Variants in CNTN5 observed in about 807,000 individuals in gnomAD.
CNTN5 encodes the protein contactin-5.
In CNTN5, 77 loss-of-function variants were observed where a neutral mutation model predicts 129.1. The ratio of observed to expected loss-of-function variants is 0.60; its 90% confidence interval spans 0.50 to 0.72. CNTN5 has a LOEUF of 0.72. Ranked by LOEUF, CNTN5 falls within the 30% of genes least tolerant of loss-of-function variation. The pLI, the probability that CNTN5 is intolerant of heterozygous loss-of-function variation, is 0.00. For missense variants in CNTN5, 1,478 were observed against 1,328.8 expected (o/e 1.11, Z -1.75); for synonymous variants, 509 against 465.6 (o/e 1.09, Z -1.20).
intron 13 of CNTN5, among the ~76,000 whole-genome samples, chr11:100,169,221 G>C: frequency 6.6e-6 from 1 of 151,966 alleles, no homozygotes; most frequent in Non-Finnish European, 1.5e-5. Context: ...GGTTTGAAGA[G>C]GGTTGACTCC....
At chr11:100,148,690 T>C (rs1342471669) in intron 13 of CNTN5, among the ~76,000 whole-genome samples, 1 of 144,654 alleles carries the variant, frequency 6.9e-6, no homozygotes, top group African/African-American at 2.6e-5. Context: ...CAATGGAAAG[T>C]ATGAAAAATT....
At chr11:99,729,332 T>C (rs7113566) in intron 3 of CNTN5, among the ~76,000 whole-genome samples, 97,223 of 151,768 alleles carry the variant, frequency 0.64, 31,802 homozygotes, top group East Asian at 0.88. Context: ...TGTGGGCACA[T>C]GTTAAGGTTT....
At chr11:99,233,474 T>A (rs1861108012) in intron 1 of CNTN5, among the ~76,000 whole-genome samples, 1 of 152,196 alleles carries the variant, frequency 6.6e-6, no homozygotes. Flanking sequence ...TAGAATGATG[T>A]TTCAGATATC....
At chr11:100,183,135 T>A (rs1347031309) in intron 13 of CNTN5, among the ~76,000 whole-genome samples, 1 of 152,134 alleles carries the variant, frequency 6.6e-6, no homozygotes, top group Non-Finnish European at 1.5e-5. Context: ...AGAGCTCTCA[T>A]ACACTGCTGG....
chr11:99,790,369 C>T (rs1479783145), intron 3 of CNTN5, among the ~76,000 whole-genome samples: 1 of 151,902 alleles, frequency 6.6e-6, no homozygotes, highest in African/African-American at 2.4e-5. Context: ...TTGCTCCCTT[C>T]TTTGTGTCCA....
intron 4 of CNTN5, among the ~76,000 whole-genome samples, chr11:99,823,423 A>T (rs1446888642): frequency 6.6e-6 from 1 of 152,038 alleles, no homozygotes; most frequent in Non-Finnish European, 1.5e-5. Context: ...GGTCTTGATT[A>T]TGCATTCTTC....
At chr11:99,809,125 G>A (rs1180835027) in intron 3 of CNTN5, among the ~76,000 whole-genome samples, 2 of 151,996 alleles carry the variant, frequency 1.3e-5, no homozygotes, top group African/African-American at 4.8e-5. Context: ...CCCAGGCCCG[G>A]GAAAAATTTT....
chr11:99,677,422 G>A (rs1420823161), intron 3 of CNTN5, among the ~76,000 whole-genome samples: 3 of 152,048 alleles, frequency 2.0e-5, no homozygotes, highest in Non-Finnish European at 2.9e-5. Context: ...TCTACCACAT[G>A]AGCAGTTTGA....
intron 1 of CNTN5, among the ~76,000 whole-genome samples, chr11:99,265,016 A>G (rs1298462139): frequency 7.9e-5 from 12 of 151,978 alleles, no homozygotes; most frequent in Admixed American, 7.9e-4. Flanking sequence ...AACAAGCACA[A>G]TCTCCCTGTT....
intron 2 of CNTN5, among the ~76,000 whole-genome samples, chr11:99,382,507 A>G (rs1364771884): frequency 1.3e-5 from 2 of 152,176 alleles, no homozygotes; most frequent in Non-Finnish European, 2.9e-5. Context: ...TACAGTCACA[A>G]TAGTTCCTAT....
chr11:100,026,986 G>A (rs566419478), intron 9 of CNTN5, among the ~76,000 whole-genome samples: 52 of 151,894 alleles, frequency 3.4e-4, no homozygotes, highest in Admixed American at 8.5e-4. Flanking sequence ...CCCAGACATT[G>A]AAGTTTTTAT....
Position 99,299,242 on chromosome 11 carries a change from CA to C in CNTN5, c.-209-26103del, listed in dbSNP as rs35427710. Among the ~76,000 whole-genome samples the C allele has an allele frequency of 2.5e-3, 388 of 152,170 alleles. 2 individuals carry two copies. Among genetic ancestry groups the C allele is most frequent in the African/African-American group, 8.9e-3 (370 of 41,532 alleles). On this transcript the variant is annotated intron_variant, in intron 1 of 24. Transcript: ENST00000524871. The stretch of plus-strand genomic sequence containing the variant: ...TCTTACTAGACAAAAGACTTTAAAT[CA>C]GCTGTACTAATTATGTTCAAAGAAC...
At chr11:100,259,213 T>A (rs1950144819) in intron 17 of CNTN5, among the ~76,000 whole-genome samples, 1 of 152,070 alleles carries the variant, frequency 6.6e-6, no homozygotes, top group Admixed American at 6.5e-5. Context: ...TATTACATAA[T>A]GGTAAAGGGA....
chr11:99,622,919 TG>T, intron 3 of CNTN5, among the ~76,000 whole-genome samples: 1 of 152,230 alleles, frequency 6.6e-6, no homozygotes, highest in African/African-American at 2.4e-5. Context: ...CCAACATTAC[TG>T]GGACCCTACA....
chr11:99,505,243 T>C (rs1429473112), intron 2 of CNTN5, among the ~76,000 whole-genome samples: 2 of 152,214 alleles, frequency 1.3e-5, no homozygotes, highest in Admixed American at 1.3e-4. Flanking sequence ...GTATCCCAAT[T>C]TGATGTTAAC....
At chr11:99,358,909 G>A (rs11219591) in intron 2 of CNTN5, among the ~76,000 whole-genome samples, 36,916 of 151,914 alleles carry the variant, frequency 0.24, 4,463 homozygotes, top group South Asian at 0.33. Context: ...GGAAAAAAAA[G>A]TAAAGCAAAA....
intron 8 of CNTN5, among the ~76,000 whole-genome samples, chr11:99,981,208 C>A (rs1938328562): frequency 6.6e-6 from 1 of 151,414 alleles, no homozygotes; most frequent in Non-Finnish European, 1.5e-5. Context: ...GCTAAAGACC[C>A]TGGAATGCTC....
intron 7 of CNTN5, among the ~76,000 whole-genome samples, chr11:99,919,709 C>G (rs537174813): frequency 6.6e-6 from 1 of 152,236 alleles, no homozygotes; most frequent in African/African-American, 2.4e-5. Flanking sequence ...ATACTTCCAT[C>G]ATTTCAAAAA....
chr11:99,913,521 A>T (rs1949714146), intron 6 of CNTN5, among the ~76,000 whole-genome samples: 1 of 152,068 alleles, frequency 6.6e-6, no homozygotes. Context: ...GTTCCCAGGA[A>T]ATAATGACAC....
Sources: gnomAD v4.1 joint callset for allele counts (sites outside exome capture counted in the v4.1 genomes callset) on GRCh38, gnomAD v4.1.1 for gene constraint, MANE v1.5 for transcripts, NCBI Gene and HGNC (gene_info 2026-07-23, HGNC 2026-07-21) for gene names.